DHX29: variants seen among roughly 807,000 people sequenced by gnomAD.
DHX29 encodes DExH-box helicase 29.
A neutral mutation model predicts 167.9 loss-of-function variants in DHX29; 79 were observed. The observed-to-expected ratio is 0.47, with a 90% CI of 0.39 to 0.57. The LOEUF (loss-of-function observed/expected upper bound fraction) is 0.57. DHX29 is among the 20% of genes least tolerant of loss of function. DHX29 has a pLI of 0.00. For missense variants in DHX29, 1,347 were observed against 1,593.4 expected, an observed-to-expected ratio of 0.85 and a Z score of 2.63; for synonymous variants, 530 against 546.0, an observed-to-expected ratio of 0.97 and a Z score of 0.41.
At chr5:55,258,003 ATATT>A (rs1268339943) in intron 26 of DHX29, among the ~76,000 whole-genome samples, 3 of 152,240 alleles carry the variant, frequency 2.0e-5, no homozygotes, top group Admixed American at 2.0e-4. Flanking sequence ...TTATGCATTC[ATATT>A]TAGTTATACA....
At chr5:55,297,852 T>C (rs1289013786) in intron 2 of DHX29, among the ~76,000 whole-genome samples, 2 of 152,258 alleles carry the variant, frequency 1.3e-5, no homozygotes, top group Admixed American at 1.3e-4. Context: ...ACAAATTCTT[T>C]TGGCTTCTAG....
rs761798160 is a variant in DHX29, at chr5:55,276,399, T to C, written c.2294A>G (p.His765Arg). Reference protein sequence around the residue: ...SGRSYPVEVFHLEDIIEETGF... With the variant: ...SGRSYPVEVFRLEDIIEETGF... ...TGTTTCTTCTATTATATCTTCAAGA[T>C]GAAAAACCTGCATAGAATAAGGCAT... The change falls in exon 14 of 27, where the codon CAT becomes CGT. Residue 765 changes from histidine to arginine, a missense_variant. Around this residue, in one of 3 missense-constraint regions of DHX29, gnomAD observed 882 missense variants for 1,082.4 expected, o/e 0.81. Transcript: ENST00000251636. 3.8e-6 allele frequency: 6 copies of C among 1,587,848 alleles called. No individual in the cohort carries two copies. The highest frequency in any genetic ancestry group is 5.1e-6 in the Non-Finnish European group (6 of 1,171,896).
intron 24 of DHX29, 26 bp from the exon 25 acceptor site, chr5:55,261,525 A>C (rs1746316081): frequency 6.9e-7 from 1 of 1,456,448 alleles, no homozygotes; most frequent in Non-Finnish European, 9.4e-7. Context: ...GGGGGAAAAT[A>C]ACTTCAAAAT....
chr5:55,277,418 G>A, intron 12 of DHX29, 136 bp from the exon 13 acceptor site: 1 of 517,062 alleles, frequency 1.9e-6, no homozygotes, highest in Non-Finnish European at 3.4e-6. Context: ...CGGGGAGGGA[G>A]AAGCTGTAAG....
In DHX29 at chr5:55,256,361, C is replaced by G; in HGVS notation, c.*127G>C. On this transcript the variant is annotated 3_prime_UTR_variant, in exon 27 of 27. Transcript: ENST00000251636. The stretch of plus-strand genomic sequence containing the variant: ...AAAGTATGTGCTTTTTTCCCACCAC[C>G]TTTAAGTTAATGGCTAGTACCAACA... The G allele has an allele frequency of 1.4e-6, 1 of 711,692 alleles. No individual in the cohort carries two copies. The highest frequency in any genetic ancestry group is 2.1e-6 in the Non-Finnish European group (1 of 469,826). The allele number at this position is 711,692 out of a possible 1,614,324, so 44.1% of individuals were successfully genotyped here.
chr5:55,296,032 CAT>C (rs951607075), intron 4 of DHX29, among the ~76,000 whole-genome samples, 186 bp downstream of exon 4: 3 of 152,154 alleles, frequency 2.0e-5, no homozygotes, highest in African/African-American at 7.2e-5. Context: ...GAACACAAAA[CAT>C]AATATTTTCT....
Position 55,298,617 on chromosome 5 carries a change from C to G in DHX29, c.235G>C (p.Ala79Pro). 1 of 1,557,464 alleles carries G rather than the reference C, an allele frequency of 6.4e-7. No homozygotes were observed. Among genetic ancestry groups the G allele is most frequent in the Non-Finnish European group, 8.8e-7 (1 of 1,130,484 alleles). The change falls in exon 2 of 27, where the codon GCA becomes CCA. Residue 79 changes from alanine (A) to proline (P), a missense_variant. This residue lies in a region of DHX29 where 405 missense variants were observed against 416.8 expected (regional missense o/e 0.97). Transcript: ENST00000251636. ...TTCAAAATAGATTTATCCAGATTTG[C>G]AGGACCACTAGAATCATTTGTAGAA... is the stretch of plus-strand genomic sequence containing the variant. ...FNSTNDSSGP[A>P]NLDKSILKVV...
intron 16 of DHX29, among the ~76,000 whole-genome samples, chr5:55,274,161 T>C (rs1746988426): frequency 6.7e-6 from 1 of 150,104 alleles, no homozygotes; most frequent in African/African-American, 2.4e-5. Context: ...TGGTAGGCCA[T>C]GGTGAGAAGT....
chr5:55,266,124 G>C (rs765704503), intron 23 of DHX29, among the ~76,000 whole-genome samples: 1 of 151,600 alleles, frequency 6.6e-6, no homozygotes, highest in Non-Finnish European at 1.5e-5. Context: ...TCAGCCTCCC[G>C]AGTATTTGGG....
chr5:55,268,689 G>A (rs981385312), intron 21 of DHX29, among the ~76,000 whole-genome samples: 3 of 151,900 alleles, frequency 2.0e-5, no homozygotes, highest in African/African-American at 4.8e-5. Flanking sequence ...TCCCAGAAAA[G>A]GCCATAGCTT....
At chr5:55,268,337 G>C (rs899342529) in intron 21 of DHX29, among the ~76,000 whole-genome samples, 2 of 152,112 alleles carry the variant, frequency 1.3e-5, no homozygotes, top group Non-Finnish European at 2.9e-5. Flanking sequence ...TTTTGAACTT[G>C]GCAAAATTCC....
intron 25 of DHX29, among the ~76,000 whole-genome samples, chr5:55,261,163 A>G (rs1315788164): frequency 6.6e-6 from 1 of 152,232 alleles, no homozygotes; most frequent in Non-Finnish European, 1.5e-5. Flanking sequence ...TGTTATTAAT[A>G]ATAAATAGAA....
At chr5:55,268,893 T>C (rs1005034743) in intron 21 of DHX29, among the ~76,000 whole-genome samples, 13 of 152,278 alleles carry the variant, frequency 8.5e-5, no homozygotes, top group African/African-American at 3.1e-4. Flanking sequence ...ATCCACTACA[T>C]ATTCCATTAA....
At chr5:55,285,547 A>G in intron 9 of DHX29, 131 bp from the exon 10 acceptor site, 1 of 1,228,564 alleles carries the variant, frequency 8.1e-7, no homozygotes, top group East Asian at 2.6e-5. Flanking sequence ...ATTATTAGAT[A>G]ATGATAATCT....
chr5:55,304,041 T>G (rs528943666), intron 1 of DHX29, among the ~76,000 whole-genome samples: 1 of 152,266 alleles, frequency 6.6e-6, no homozygotes, highest in East Asian at 1.9e-4. Context: ...AACCTCTTAT[T>G]TTGGTCTCAG....
At chr5:55,273,790 A>G (rs1746965955) in intron 16 of DHX29, among the ~76,000 whole-genome samples, 1 of 152,128 alleles carries the variant, frequency 6.6e-6, no homozygotes, top group Non-Finnish European at 1.5e-5. Context: ...GCTTAATCTT[A>G]AGAAGATGAA....
At chr5:55,297,011 A>G (rs1748360185) in intron 3 of DHX29, among the ~76,000 whole-genome samples, 1 of 152,212 alleles carries the variant, frequency 6.6e-6, no homozygotes, top group African/African-American at 2.4e-5. Context: ...TGTGTCAGAG[A>G]AAATGTAAAC....
At chr5:55,306,695 A>G (rs1435895307) in intron 1 of DHX29, among the ~76,000 whole-genome samples, 5 of 152,342 alleles carry the variant, frequency 3.3e-5, no homozygotes, top group African/African-American at 9.6e-5. Context: ...GAATACTCCA[A>G]TAAGTACAAG....
At chr5:55,300,986 A>C (rs992943767) in intron 1 of DHX29, among the ~76,000 whole-genome samples, 1 of 152,078 alleles carries the variant, frequency 6.6e-6, no homozygotes, top group African/African-American at 2.4e-5. Flanking sequence ...TCATCTTGCT[A>C]TATGTTCACA....
Sources: gnomAD v4.1 joint callset for allele counts (sites outside exome capture counted in the v4.1 genomes callset) on GRCh38, gnomAD v4.1.1 for gene constraint, gnomAD v4.1.1 regional missense constraint, MANE v1.5 for transcripts, NCBI Gene and HGNC (gene_info 2026-07-23, HGNC 2026-07-21) for gene names.